Variants in MTHFS observed in about 807,000 individuals in gnomAD.
The protein encoded by MTHFS is methenyltetrahydrofolate synthetase, also known as 5-formyltetrahydrofolate cyclo-ligase.
A neutral mutation model predicts 12.7 loss-of-function variants in MTHFS; 7 were observed. That is an observed-to-expected ratio of 0.55 (90% CI 0.31 to 1.03). The LOEUF is 1.03. MTHFS is among the 50% of genes least tolerant of loss of function. The pLI is 0.05. For missense variants in MTHFS, 252 were observed against 258.1 expected, an observed-to-expected ratio of 0.98 and a Z score of 0.16; for synonymous variants, 100 against 97.1, an observed-to-expected ratio of 1.03 and a Z score of -0.18.
chr15:79,845,974 G>A (rs1410284881), intron 2 of MTHFS, among the ~76,000 whole-genome samples: 1 of 152,166 alleles, frequency 6.6e-6, no homozygotes, highest in African/African-American at 2.4e-5. Flanking sequence ...CAGGCTGCCG[G>A]GCTTCCCCAG....
chr15:79,855,655 C>T (rs376000951), intron 2 of MTHFS, among the ~76,000 whole-genome samples: 1 of 152,124 alleles, frequency 6.6e-6, no homozygotes, highest in Non-Finnish European at 1.5e-5. Flanking sequence ...TTTTCTGATC[C>T]TTTCCCTTCT....
chr15:79,857,910 A>C lies in MTHFS; in HGVS notation c.380-12468T>G, dbSNP rs181070499. Reference sequence around the variant, plus strand: ...GCGTGCCTGTAATCCCAGTTACTCAAGAGGCTGAGACAGGAGAATTGCTTG... The same window carrying C: ...GCGTGCCTGTAATCCCAGTTACTCACGAGGCTGAGACAGGAGAATTGCTTG... On this transcript the variant is annotated intron_variant, in intron 2 of 2. Transcript: ENST00000258874. Among the ~76,000 whole-genome samples the C allele has an allele frequency of 1.2e-3, 185 of 150,930 alleles. 1 individual carries two copies. Among genetic ancestry groups the C allele is most frequent in the African/African-American group, 4.5e-3 (184 of 40,970 alleles).
At chr15:79,855,073 AACAG>A (rs1193048226) in intron 2 of MTHFS, among the ~76,000 whole-genome samples, 2 of 152,220 alleles carry the variant, frequency 1.3e-5, no homozygotes, top group Non-Finnish European at 2.9e-5. Context: ...GAATCACTGC[AACAG>A]ACACTGTATG....
At position 79,844,455 on chromosome 15, in the gene MTHFS, T is replaced by C. The variant is rs930083686; in HGVS notation, c.*755A>G. ...CGGGTTTCTGGAGATGACCAAATCC[T>C]CCCCACAACAAAATTATTGCTCCCT... On this transcript the variant is annotated 3_prime_UTR_variant, in exon 3 of 3. Coordinates refer to ENST00000258874, the MANE Select transcript of MTHFS (RefSeq NM_006441.4). 1.3e-5 allele frequency among the ~76,000 whole-genome samples: 2 copies of C among 152,024 alleles called. No individual in the cohort carries two copies. The highest frequency in any genetic ancestry group is 1.3e-4 in the Admixed American group (2 of 15,256).
chr15:79,864,544 C>CAAAAAA (rs1566990932), intron 2 of MTHFS, among the ~76,000 whole-genome samples: 5 of 23,732 alleles, frequency 2.1e-4, no homozygotes, highest in African/African-American at 8.1e-4. Flanking sequence ...GACTCCATCT[C>CAAAAAA]AACAAAAAAA....
chr15:79,884,291 T>C (rs560555866), intron 2 of MTHFS, among the ~76,000 whole-genome samples: 1 of 152,298 alleles, frequency 6.6e-6, no homozygotes, highest in South Asian at 2.1e-4. Flanking sequence ...TAAGGAGCTG[T>C]ACCAAGGAGG....
intron 2 of MTHFS, among the ~76,000 whole-genome samples, chr15:79,850,922 G>A (rs949798648): frequency 2.0e-5 from 3 of 152,150 alleles, no homozygotes; most frequent in African/African-American, 4.8e-5. Flanking sequence ...TTCTGGCAGC[G>A]AGGTAGCCTG....
intron 2 of MTHFS, among the ~76,000 whole-genome samples, chr15:79,863,420 C>T (rs1026649946): frequency 6.6e-6 from 1 of 152,204 alleles, no homozygotes. Context: ...GTGTGACATA[C>T]AATACCCTTC....
chr15:79,853,491 AAAT>A (rs1396183850), intron 2 of MTHFS, among the ~76,000 whole-genome samples: 1 of 152,220 alleles, frequency 6.6e-6, no homozygotes, highest in Non-Finnish European at 1.5e-5. Flanking sequence ...TAGAGGGACT[AAAT>A]AAAGGAGATA....
intron 2 of MTHFS, among the ~76,000 whole-genome samples, chr15:79,846,826 C>G (rs1271810136): frequency 6.6e-6 from 1 of 152,224 alleles, no homozygotes; most frequent in Non-Finnish European, 1.5e-5. Context: ...AGAGCACCAT[C>G]AGGCTTGAAG....
intron 2 of MTHFS, among the ~76,000 whole-genome samples, chr15:79,859,308 G>T (rs190758663): frequency 1.3e-5 from 2 of 152,148 alleles, no homozygotes; most frequent in Non-Finnish European, 2.9e-5. Context: ...CATCCCACCA[G>T]GTATTAAAAT....
intron 1 of MTHFS, among the ~76,000 whole-genome samples, chr15:79,894,571 G>C (rs529030734): frequency 1.8e-4 from 28 of 152,220 alleles, no homozygotes; most frequent in East Asian, 3.9e-4. Context: ...CAGTGACTCT[G>C]TATCTATGTA....
chr15:79,850,525 A>T (rs755656866), intron 2 of MTHFS, among the ~76,000 whole-genome samples: 2 of 152,216 alleles, frequency 1.3e-5, no homozygotes, highest in African/African-American at 2.4e-5. Context: ...GTGTCCTGAT[A>T]ACATGTTATT....
chr15:79,844,163 AG>A lies in MTHFS; in HGVS notation c.*1046del, dbSNP rs2033568636. On this transcript the variant is annotated 3_prime_UTR_variant, in exon 3 of 3. Transcript: ENST00000258874. ...GAACAGCCACCGGAAGACCTTAGTC[AG>A]GGGTGCTGCATGATTAGATTCGTGT... is the stretch of plus-strand genomic sequence containing the variant. The A allele has an allele frequency of 6.6e-6, 1 of 152,210 alleles. No homozygotes were observed. The highest frequency in any genetic ancestry group is 2.4e-5 in the African/African-American group (1 of 41,460). 9.4% of individuals were successfully genotyped at this position (152,210 alleles called of 1,614,324 possible). A position where few individuals can be genotyped will look rare whatever the true frequency, so the allele number is the denominator to read the frequency against.
chr15:79,844,917 A>C lies in MTHFS; in HGVS notation c.*293T>G, dbSNP rs549290135. The C allele has an allele frequency of 2.0e-5, 8 of 399,500 alleles. No homozygotes were observed. Among genetic ancestry groups the C allele is most frequent in the Middle Eastern group, 7.6e-4 (1 of 1,316 alleles). The allele number at this position is 399,500 out of a possible 1,614,324, so 24.7% of individuals were successfully genotyped here. A position where few individuals can be genotyped will look rare whatever the true frequency, so the allele number is the denominator to read the frequency against. The stretch of plus-strand genomic sequence containing the variant: ...ACTCAGTCGGAGCACAGTTCCTCAT[A>C]AATATTTAACTTAAATTGCAAAGTA... On this transcript the variant is annotated 3_prime_UTR_variant, in exon 3 of 3. Transcript: ENST00000258874.
chr15:79,884,249 T>C (rs2034345450), intron 2 of MTHFS, among the ~76,000 whole-genome samples: 1 of 152,228 alleles, frequency 6.6e-6, no homozygotes, highest in African/African-American at 2.4e-5. Context: ...TACTAGGAAA[T>C]ACTGTCTTCC....
At chr15:79,882,267 C>T (rs2034308595) in intron 2 of MTHFS, among the ~76,000 whole-genome samples, 1 of 151,934 alleles carries the variant, frequency 6.6e-6, no homozygotes, top group African/African-American at 2.4e-5. Flanking sequence ...ATTAAGCATT[C>T]TCATAGACAT....
chr15:79,867,732 G>A (rs1229336881), intron 2 of MTHFS, among the ~76,000 whole-genome samples: 1 of 152,086 alleles, frequency 6.6e-6, no homozygotes, highest in Non-Finnish European at 1.5e-5. Flanking sequence ...CTAAGATAAT[G>A]TTTTAGAGAA....
intron 2 of MTHFS, among the ~76,000 whole-genome samples, chr15:79,850,547 G>A (rs1231596543): frequency 6.6e-6 from 1 of 152,188 alleles, no homozygotes; most frequent in East Asian, 1.9e-4. Context: ...ACAAAAACAG[G>A]TGGAGGGCCA....
Sources: gnomAD v4.1 joint callset for allele counts (sites outside exome capture counted in the v4.1 genomes callset) on GRCh38, gnomAD v4.1.1 for gene constraint, MANE v1.5 for transcripts, NCBI Gene and HGNC (gene_info 2026-07-23, HGNC 2026-07-21) for gene names.